The following ENG variants were observed in gnomAD, a reference collection of about 807,000 sequenced individuals.
ENG encodes the protein CD105 antigen.
Under a neutral mutation model 71.0 loss-of-function variants are expected in ENG, and 17 were observed. The observed-to-expected ratio is 0.24, with a 90% CI of 0.16 to 0.36. The LOEUF is 0.36. Among genes scored for constraint, ENG ranks in the 10% least tolerant of loss-of-function variants. The probability of loss-of-function intolerance (pLI) is 1.00; values close to 1 mark genes in which losing one functional copy is unlikely to be tolerated. For synonymous variants in ENG, 360 were observed against 366.9 expected (o/e 0.98, Z 0.21); for missense variants, 749 against 868.3 (o/e 0.86, Z 1.73).
chr9:127,820,566 C>A (rs1422921260), intron 8 of ENG, among the ~76,000 whole-genome samples: 1 of 151,382 alleles, frequency 6.6e-6, no homozygotes, highest in Non-Finnish European at 1.5e-5. Flanking sequence ...CGGTGGCTCA[C>A]GCCTGTAATC....
At chr9:127,816,772 G>A (rs1830329604) in intron 13 of ENG, 1 of 362,376 alleles carries the variant, frequency 2.8e-6, no homozygotes, top group East Asian at 6.5e-5. Context: ...GCGTCCTGCA[G>A]GGAGAGGCCT....
In ENG at chr9:127,846,516, C is replaced by T. The variant is rs901238286; in HGVS notation, c.68-3271G>A. Among the ~76,000 whole-genome samples the T allele has an allele frequency of 6.6e-5, 10 of 152,148 alleles. No individual in the cohort carries two copies. The highest frequency in any genetic ancestry group is 7.3e-5 in the Non-Finnish European group (5 of 68,030). On this transcript the variant is annotated intron_variant, in intron 1 of 14. Transcript: ENST00000373203. This position sits in a 1 kb window ranked among gnomAD's most constrained non-coding sequence, Gnocchi z 5.5. ...CCAGTTCCTCCCGGATTGCTGGGGC[C>T]GCCTGGGGCCGCCTCCTCCATGCCG...
intron 1 of ENG, among the ~76,000 whole-genome samples, chr9:127,847,582 T>C (rs1239253284): frequency 6.6e-6 from 1 of 151,990 alleles, no homozygotes; most frequent in Non-Finnish European, 1.5e-5. Flanking sequence ...CTCAGCCTCC[T>C]GAGTAACTAC....
chr9:127,824,237 G>T, intron 8 of ENG, 67 bp downstream of exon 8: 7 of 1,609,428 alleles, frequency 4.3e-6, no homozygotes, highest in Non-Finnish European at 5.1e-6. Flanking sequence ...GACCCCAAGA[G>T]TCTTGGGCTA....
rs10760504 is a variant in ENG, at chr9:127,824,782, C to T, written c.991+18G>A. The T allele has an allele frequency of 1.8e-5, 25 of 1,404,288 alleles. No homozygotes were observed. Among genetic ancestry groups the T allele is most frequent in the Non-Finnish European group, 2.4e-5 (25 of 1,052,438 alleles). The allele number at this position is 1,404,288 out of a possible 1,614,324, so 87.0% of individuals were successfully genotyped here. ...AAGGGAGGGGAAGGGAAGGGAGGGGCAGGGGAAGGGTGCTCACCGCAGCTG... is the reference window on the plus strand; with the variant it reads ...AAGGGAGGGGAAGGGAAGGGAGGGGTAGGGGAAGGGTGCTCACCGCAGCTG... On this transcript the variant is annotated intron_variant, in intron 7 of 14. Coordinates refer to ENST00000373203, the MANE Select transcript of ENG (RefSeq NM_001114753.3).
rs372670034 is a variant in ENG at position 127,818,112 on chromosome 9, C to G, written c.1686+8G>C. On this transcript the variant is annotated splice_region_variant and intron_variant, in intron 12 of 14. Transcript: ENST00000373203. ...CTTGAAGCTGGGGCCGGCCCAGGCCCCACTCACCTGGTCTTGAGACCCGGT... is the reference window on the plus strand; with the variant it reads ...CTTGAAGCTGGGGCCGGCCCAGGCCGCACTCACCTGGTCTTGAGACCCGGT... The G allele has an allele frequency of 4.6e-5, 75 of 1,613,974 alleles. No homozygotes were observed. Among genetic ancestry groups the G allele is most frequent in the Non-Finnish European group, 6.2e-5 (73 of 1,180,042 alleles).
intron 1 of ENG, among the ~76,000 whole-genome samples, chr9:127,852,400 C>T (rs1206003814): frequency 6.6e-6 from 1 of 152,144 alleles, no homozygotes; most frequent in Non-Finnish European, 1.5e-5. Flanking sequence ...CAGGCCCTGG[C>T]CCCAGGCTCC....
chr9:127,823,557 T>C (rs532792334), intron 8 of ENG, among the ~76,000 whole-genome samples: 1 of 151,842 alleles, frequency 6.6e-6, no homozygotes, highest in Non-Finnish European at 1.5e-5. Context: ...CCCGGTTAAT[T>C]TTTTGTATTT....
chr9:127,843,747 ATATATATATTTTTTTTTTTTTT>A (rs1396840800), intron 1 of ENG, among the ~76,000 whole-genome samples: 3 of 13,032 alleles, frequency 2.3e-4, no homozygotes, highest in Non-Finnish European at 9.5e-4. Flanking sequence ...ATATATATAT[ATATATATATTTTTTTTTTTTTT>A]TTTTTTTTTT....
intron 2 of ENG, among the ~76,000 whole-genome samples, chr9:127,835,325 G>A (rs149869001): frequency 6.6e-6 from 1 of 152,320 alleles, no homozygotes; most frequent in East Asian, 1.9e-4. Flanking sequence ...CGCTTTCTAG[G>A]CTGGGCGTGG....
Position 127,821,009 on chromosome 9 carries a change from G to A in ENG, c.1135-972C>T, listed in dbSNP as rs141237744. 8.1e-4 allele frequency among the ~76,000 whole-genome samples: 124 copies of A among 152,218 alleles called. 1 individual carries two copies. Among genetic ancestry groups the A allele is most frequent in the African/African-American group, 2.8e-3 (117 of 41,530 alleles). On this transcript the variant is annotated intron_variant, in intron 8 of 14. Coordinates refer to ENST00000373203, the MANE Select transcript of ENG (RefSeq NM_001114753.3). ...TGCACCATGGGACAATGTTGTGGTC[G>A]GTGATGGACTGTGTATATGATGGTG... is the stretch of plus-strand genomic sequence containing the variant.
chr9:127,830,583 G>T (rs558659754), intron 2 of ENG, among the ~76,000 whole-genome samples: 1 of 151,696 alleles, frequency 6.6e-6, no homozygotes, highest in African/African-American at 2.4e-5. Flanking sequence ...GGAGGTAGAG[G>T]TTGCAGTGAG....
chr9:127,829,894 G>C, intron 2 of ENG, 67 bp from the exon 3 acceptor site: 1 of 1,606,462 alleles, frequency 6.2e-7, no homozygotes, highest in Non-Finnish European at 8.5e-7. Context: ...CACCCAGACA[G>C]GCAGTGATGA....
chr9:127,842,395 A>C (rs1270225418), intron 2 of ENG, among the ~76,000 whole-genome samples: 1 of 150,294 alleles, frequency 6.7e-6, no homozygotes, highest in Non-Finnish European at 1.5e-5. Flanking sequence ...TGCCTAGCTA[A>C]TTTTTGTATT....
chr9:127,829,704 G>T lies in ENG; in HGVS notation c.343C>A (p.Pro115Thr), dbSNP rs759368120. ...VFLHLQALGI[P>T]LHLAYNSSLV... ...ACACTCACGTAGGCCAAGTGCAGTG[G>T]GATTCCCAGGGCCTGGAGATGCAGG... Residue 115 changes from proline (P) to threonine (T), a missense_variant, in exon 3 of 15, where the codon CCA becomes ACA. Transcript: ENST00000373203. 6.2e-7 allele frequency: 1 copy of T among 1,614,126 alleles called. No individual in the cohort carries two copies. The highest frequency in any genetic ancestry group is 8.5e-7 in the Non-Finnish European group (1 of 1,180,016).
intron 4 of ENG, 91 bp downstream of exon 4, chr9:127,826,419 C>G (rs1588583403): frequency 6.4e-7 from 1 of 1,556,924 alleles, no homozygotes; most frequent in South Asian, 1.2e-5. Context: ...CTCCTGCACT[C>G]TTGGTGCCCA....
intron 8 of ENG, 107 bp downstream of exon 8, chr9:127,824,197 G>T: frequency 1.3e-6 from 2 of 1,509,518 alleles, no homozygotes; most frequent in Non-Finnish European, 1.8e-6. Context: ...GCTTGCAGAG[G>T]GACGTGACTT....
At chr9:127,845,570 T>C (rs1463572019) in intron 1 of ENG, among the ~76,000 whole-genome samples, 1 of 152,234 alleles carries the variant, frequency 6.6e-6, no homozygotes, top group Non-Finnish European at 1.5e-5. Flanking sequence ...GCTTACCAGC[T>C]ATGTGGCTCT....
chr9:127,846,956 C>T lies in ENG; in HGVS notation c.68-3711G>A, dbSNP rs1831181462. 1.0e-6 allele frequency: 1 copy of T among 985,464 alleles called. No homozygotes were observed. 61.0% of individuals were successfully genotyped at this position (985,464 alleles called of 1,614,324 possible). Reference sequence around the variant, plus strand: ...TACCTTCAGCACCTTGGAGGATGATCAAGAAAAACAGCTCTGGAGCCAGAT... The same window carrying T: ...TACCTTCAGCACCTTGGAGGATGATTAAGAAAAACAGCTCTGGAGCCAGAT... On this transcript the variant is annotated intron_variant, in intron 1 of 14. Transcript: ENST00000373203. This position sits in a 1 kb window ranked among gnomAD's most constrained non-coding sequence, Gnocchi z 5.5.
Sources: allele counts gnomAD v4.1 joint callset (sites outside exome capture counted in the v4.1 genomes callset), GRCh38; gene constraint gnomAD v4.1.1; non-coding constraint Gnocchi (gnomAD v3.1); transcripts MANE v1.5; gene names NCBI Gene and HGNC (gene_info 2026-07-23, HGNC 2026-07-21).